The following GPAT4 variants were observed in gnomAD, a reference collection of about 807,000 sequenced individuals.
GPAT4 encodes glycerol-3-phosphate acyltransferase 4, also known as 1-AGP acyltransferase 6.
GPAT4 carries 17 observed loss-of-function variants against 58.0 expected under a neutral mutation model. The observed-to-expected ratio is 0.29, with a 90% CI of 0.20 to 0.44. The LOEUF (loss-of-function observed/expected upper bound fraction) is 0.44, where lower values mean the gene tolerates loss of function less well. Ranked by LOEUF, GPAT4 falls within the 20% of genes least tolerant of loss-of-function variation. GPAT4 has a pLI of 1.00. For missense variants in GPAT4, 377 were observed against 574.5 expected, an observed-to-expected ratio of 0.66 and a Z score of 3.51; for synonymous variants, 204 against 210.1, an observed-to-expected ratio of 0.97 and a Z score of 0.25.
chr8:41,618,037 A>AT (rs1168862429), intron 10 of GPAT4, among the ~76,000 whole-genome samples: 2 of 152,200 alleles, frequency 1.3e-5, no homozygotes, highest in East Asian at 3.8e-4. Flanking sequence ...AAAGGATCTG[A>AT]TACCTGCTTC....
chr8:41,595,063 A>G (rs1802891751), intron 1 of GPAT4, among the ~76,000 whole-genome samples: 1 of 151,956 alleles, frequency 6.6e-6, no homozygotes, highest in Admixed American at 6.5e-5. Flanking sequence ...AGCAGACTTC[A>G]GTTTTGTTGA....
At chr8:41,580,031 T>A (rs1290736154) in intron 1 of GPAT4, among the ~76,000 whole-genome samples, 1 of 152,164 alleles carries the variant, frequency 6.6e-6, no homozygotes, top group Non-Finnish European at 1.5e-5. Context: ...CCATACTACT[T>A]GCCTTCAGGA....
rs1803021526 is a variant in GPAT4 at position 41,599,390 on chromosome 8, T to G, written c.165+86T>G. The G allele has an allele frequency of 2.7e-6, 4 of 1,468,754 alleles. No individual in the cohort carries two copies. In the Admixed American group the frequency reaches 8.8e-5, roughly 32 times the overall value. 91.0% of individuals were successfully genotyped at this position (1,468,754 alleles called of 1,614,324 possible). A position where few individuals can be genotyped will look rare whatever the true frequency, so the allele number is the denominator to read the frequency against. On this transcript the variant is annotated intron_variant, in intron 2 of 12. Transcript: ENST00000396987. ...AAGTTATTCTTACAGGCCTATTATC[T>G]CTTTATTAGATAGGGAGAAAGTTGG...
At chr8:41,599,345 G>A in intron 2 of GPAT4, 41 bp downstream of exon 2, 13 of 1,599,634 alleles carry the variant, frequency 8.1e-6, no homozygotes, top group Non-Finnish European at 1.1e-5. Context: ...ACAGAGGAGG[G>A]TAGAAGTGCA....
intron 1 of GPAT4, among the ~76,000 whole-genome samples, chr8:41,586,163 G>A (rs887903613): frequency 4.0e-5 from 6 of 150,598 alleles, no homozygotes; most frequent in African/African-American, 1.5e-4. Flanking sequence ...TTTTGTATAA[G>A]TGGAATCAAT....
At position 41,623,653 on chromosome 8, in the gene GPAT4, T is replaced by C. The variant is rs1284987417; in HGVS notation, c.*2652T>C. On this transcript the variant is annotated 3_prime_UTR_variant, in exon 13 of 13. Transcript: ENST00000396987. Reference sequence around the variant, plus strand: ...GTTTGGAAATACGGGAAGTCAGCTTTGAATCCATTGCTTCTCTAAAACATC... The same window carrying C: ...GTTTGGAAATACGGGAAGTCAGCTTCGAATCCATTGCTTCTCTAAAACATC... 6.6e-6 allele frequency: 1 copy of C among 152,264 alleles called. No individual in the cohort carries two copies. Among genetic ancestry groups the C allele is most frequent in the East Asian group, 1.9e-4 (1 of 5,204 alleles). The allele number at this position is 152,264 out of a possible 1,614,324, so 9.4% of individuals were successfully genotyped here.
chr8:41,620,476 T>C (rs1356262388), intron 12 of GPAT4, among the ~76,000 whole-genome samples: 1 of 152,244 alleles, frequency 6.6e-6, no homozygotes, highest in African/African-American at 2.4e-5. Context: ...TGGGTCTGAA[T>C]TAAACAAATG....
At chr8:41,611,622 G>T (rs988964509) in intron 5 of GPAT4, among the ~76,000 whole-genome samples, 2 of 152,198 alleles carry the variant, frequency 1.3e-5, no homozygotes, top group African/African-American at 2.4e-5. Context: ...TTGACTGGGG[G>T]AACGGAGTTC....
At chr8:41,579,536 C>T (rs1454607151) in intron 1 of GPAT4, among the ~76,000 whole-genome samples, 3 of 152,120 alleles carry the variant, frequency 2.0e-5, no homozygotes, top group African/African-American at 4.8e-5. Flanking sequence ...CATGATAGAA[C>T]AGGTTAAAAG....
chr8:41,610,523 A>T (rs908619054), intron 4 of GPAT4: 2 of 1,425,786 alleles, frequency 1.4e-6, no homozygotes, highest in African/African-American at 2.9e-5. Flanking sequence ...CAGGCAGCTG[A>T]GAGCCAGACC....
At chr8:41,617,266 G>C (rs1803622535) in intron 10 of GPAT4, among the ~76,000 whole-genome samples, 2 of 151,998 alleles carry the variant, frequency 1.3e-5, no homozygotes. Context: ...CGGGAGGCTG[G>C]GGCAGGAGAA....
chr8:41,602,677 T>TG (rs1019033152), intron 2 of GPAT4, among the ~76,000 whole-genome samples: 52 of 152,248 alleles, frequency 3.4e-4, no homozygotes, highest in African/African-American at 1.2e-3. Context: ...ACCTAACACT[T>TG]GTGGGTGTTT....
At chr8:41,595,716 T>C (rs1210725531) in intron 1 of GPAT4, among the ~76,000 whole-genome samples, 1 of 152,118 alleles carries the variant, frequency 6.6e-6, no homozygotes, top group Non-Finnish European at 1.5e-5. Context: ...TTTAACTTTC[T>C]CTCTCTTTGA....
intron 1 of GPAT4, among the ~76,000 whole-genome samples, chr8:41,585,880 C>T (rs1045767429): frequency 2.6e-5 from 4 of 152,266 alleles, no homozygotes; most frequent in Admixed American, 6.5e-5. Flanking sequence ...GTATCTGCCA[C>T]TCTGCAGAAT....
intron 10 of GPAT4, among the ~76,000 whole-genome samples, chr8:41,616,361 A>T (rs1803594437): frequency 6.6e-6 from 1 of 152,210 alleles, no homozygotes; most frequent in South Asian, 2.1e-4. Context: ...CAGTGGCACA[A>T]TCATGACTCA....
intron 2 of GPAT4, among the ~76,000 whole-genome samples, chr8:41,602,911 G>A (rs1193220407): frequency 1.3e-5 from 2 of 152,072 alleles, no homozygotes; most frequent in Non-Finnish European, 2.9e-5. Context: ...GGATGAGGGA[G>A]CCCTCTGAAG....
chr8:41,585,334 A>T (rs1350590600), intron 1 of GPAT4, among the ~76,000 whole-genome samples: 1 of 152,154 alleles, frequency 6.6e-6, no homozygotes, highest in Non-Finnish European at 1.5e-5. Flanking sequence ...AGTGCACTCG[A>T]CTGGACATCA....
At chr8:41,613,787 G>A (rs1028129854) in intron 8 of GPAT4, among the ~76,000 whole-genome samples, 1 of 152,076 alleles carries the variant, frequency 6.6e-6, no homozygotes. Context: ...GTGGTGGTAC[G>A]CTTCTGTAGT....
At chr8:41,595,515 C>T (rs1013544915) in intron 1 of GPAT4, among the ~76,000 whole-genome samples, 4 of 152,150 alleles carry the variant, frequency 2.6e-5, no homozygotes, top group Admixed American at 2.0e-4. Flanking sequence ...AGGAAGGCTA[C>T]AGGTTGTTAG....
Sources: allele counts gnomAD v4.1 joint callset (sites outside exome capture counted in the v4.1 genomes callset), GRCh38; gene constraint gnomAD v4.1.1; transcripts MANE v1.5; gene names NCBI Gene and HGNC (gene_info 2026-07-23, HGNC 2026-07-21).